The following DNAH5 variants were observed in gnomAD, a reference collection of about 807,000 sequenced individuals.
The protein encoded by DNAH5 is dynein axonemal heavy chain 5, also known as axonemal beta dynein heavy chain 5.
Under a neutral mutation model 518.2 loss-of-function variants are expected in DNAH5, and 372 were observed. That is an observed-to-expected ratio of 0.72 (90% confidence interval 0.66 to 0.78). The LOEUF (loss-of-function observed/expected upper bound fraction) is 0.78, where lower values mean the gene tolerates loss of function less well. DNAH5 is among the 30% of genes least tolerant of loss of function. The pLI, the probability that DNAH5 is intolerant of heterozygous loss-of-function variation, is 0.00. For missense variants in DNAH5, 5,523 were observed against 5,687.0 expected, an observed-to-expected ratio of 0.97 and a Z score of 0.93; for synonymous variants, 2,039 against 2,025.9, an observed-to-expected ratio of 1.01 and a Z score of -0.17.
intron 1 of DNAH5, among the ~76,000 whole-genome samples, chr5:13,972,242 C>T (rs535344837): frequency 4.6e-5 from 7 of 152,174 alleles, no homozygotes; most frequent in Non-Finnish European, 1.0e-4. Context: ...AGGCTACAAG[C>T]CTCCCTGTTG....
intron 32 of DNAH5, among the ~76,000 whole-genome samples, chr5:13,844,387 T>C (rs1433889377): frequency 6.6e-6 from 1 of 151,998 alleles, no homozygotes; most frequent in African/African-American, 2.4e-5. Flanking sequence ...AAATGACCTA[T>C]CGTGAGTCTC....
chr5:13,829,444 G>T (rs1322996467), intron 38 of DNAH5, 66 bp downstream of exon 38: 2 of 1,541,264 alleles, frequency 1.3e-6, no homozygotes, highest in Non-Finnish European at 1.8e-6. Context: ...TTCTCAAAAT[G>T]AGAACATTCT....
chr5:13,765,667 C>T (rs958289731), intron 59 of DNAH5, among the ~76,000 whole-genome samples: 4 of 152,024 alleles, frequency 2.6e-5, no homozygotes, highest in Non-Finnish European at 4.4e-5. Context: ...TAAAAAATTA[C>T]TGAGAAATGC....
intron 47 of DNAH5, 70 bp from the exon 48 acceptor site, chr5:13,794,128 A>C: frequency 1.3e-6 from 2 of 1,599,054 alleles, no homozygotes; most frequent in Non-Finnish European, 1.7e-6. Flanking sequence ...ATTTTAAAAA[A>C]CAACAAAAAC....
chr5:13,743,423 T>A lies in DNAH5; in HGVS notation c.11212-5928A>T, dbSNP rs74878272. Among the ~76,000 whole-genome samples, 1,518 of 152,094 alleles carry A rather than the reference T, an allele frequency of 1.0e-2. 32 individuals are homozygous for A. The highest frequency in any genetic ancestry group is 0.035 in the African/African-American group (1,442 of 41,506). On this transcript the variant is annotated intron_variant, in intron 65 of 78. Coordinates refer to ENST00000265104, the MANE Select transcript of DNAH5 (RefSeq NM_001369.3). ...TTCAGGACACTGGTCTGGGAAAAGATTCTATGAATAACACCACAAAAGCAC... is the reference window on the plus strand; with the variant it reads ...TTCAGGACACTGGTCTGGGAAAAGAATCTATGAATAACACCACAAAAGCAC...
chr5:13,860,756 G>A (rs1254984630), intron 29 of DNAH5, among the ~76,000 whole-genome samples: 1 of 152,122 alleles, frequency 6.6e-6, no homozygotes, highest in African/African-American at 2.4e-5. Flanking sequence ...TGTATGTGGT[G>A]TTTCTGTTAT....
chr5:13,863,032 T>C (rs777024277), intron 28 of DNAH5, among the ~76,000 whole-genome samples: 6 of 152,162 alleles, frequency 3.9e-5, no homozygotes, highest in Non-Finnish European at 5.9e-5. Flanking sequence ...AGAAAATATA[T>C]GCAAATCACT....
At chr5:13,808,911 G>C in intron 46 of DNAH5, 133 bp downstream of exon 46, 1 of 1,052,384 alleles carries the variant, frequency 9.5e-7, no homozygotes, top group Non-Finnish European at 1.4e-6. Context: ...AGTGAGCCGA[G>C]ATCGCGCCAC....
At position 13,850,636 on chromosome 5, in the gene DNAH5, G is replaced by C. The variant is rs1766701550; in HGVS notation, c.5114+16C>G. The C allele has an allele frequency of 6.2e-7, 1 of 1,612,170 alleles. No individual in the cohort carries two copies. Among genetic ancestry groups the C allele is most frequent in the South Asian group, 1.1e-5 (1 of 90,998 alleles). ...CTCAAGGATACCGAGAGCTTTCAAA[G>C]AGCCAGTGAACTTACCCAGTAAGGG... On this transcript the variant is annotated intron_variant, in intron 31 of 78. Transcript: ENST00000265104.
intron 70 of DNAH5, among the ~76,000 whole-genome samples, chr5:13,726,892 A>T (rs2126560881): frequency 6.6e-6 from 1 of 152,378 alleles, no homozygotes; most frequent in African/African-American, 2.4e-5. Context: ...TTCATCATAA[A>T]GGCAAGACAC....
At chr5:13,888,845 T>C (rs1490499309) in intron 17 of DNAH5, among the ~76,000 whole-genome samples, 1 of 152,216 alleles carries the variant, frequency 6.6e-6, no homozygotes, top group Non-Finnish European at 1.5e-5. Context: ...ACATGATACA[T>C]GCATATATTC....
chr5:13,765,927 C>T, intron 59 of DNAH5, 49 bp downstream of exon 59: 1 of 1,526,928 alleles, frequency 6.5e-7, no homozygotes, highest in Non-Finnish European at 9.1e-7. Context: ...GACTCATACA[C>T]CAGTGAAGAA....
At chr5:14,010,437 A>T (rs565807829) in intron 1 of DNAH5, among the ~76,000 whole-genome samples, 14 of 152,316 alleles carry the variant, frequency 9.2e-5, no homozygotes, top group Admixed American at 7.8e-4. Context: ...AAAGGGGAAA[A>T]CTTGGTAAAT....
rs56046501 is a variant in DNAH5, at chr5:13,814,573, T to C, written c.7230+32A>G. The C allele has an allele frequency of 0.22, 352,091 of 1,607,442 alleles. 41,242 individuals are homozygous for C. Among genetic ancestry groups the C allele is most frequent in the East Asian group, 0.5 (22,522 of 44,798 alleles). On this transcript the variant is annotated intron_variant, in intron 43 of 78. Coordinates refer to ENST00000265104, the MANE Select transcript of DNAH5 (RefSeq NM_001369.3). ...GAATGCTAAAGGATCTGTTTTCCTT[T>C]TTAATTATACAAAAGAAGGATTCAA... is the stretch of plus-strand genomic sequence containing the variant.
In DNAH5 at chr5:13,840,823, T is replaced by C; in HGVS notation, c.5709+83A>G. 3.5e-6 allele frequency: 4 copies of C among 1,137,970 alleles called. No individual in the cohort carries two copies. In the South Asian group the frequency reaches 3.9e-5, roughly 11 times the overall value. The allele number at this position is 1,137,970 out of a possible 1,614,324, so 70.5% of individuals were successfully genotyped here. A position where few individuals can be genotyped will look rare whatever the true frequency, so the allele number is the denominator to read the frequency against. ...AATTTAATTTTTTCCTTGAATTCAA[T>C]CAAACTAGTTCTACTGGGTAAATGC... On this transcript the variant is annotated intron_variant, in intron 34 of 78. Transcript: ENST00000265104.
At chr5:13,810,896 G>T (rs1760600227) in intron 44 of DNAH5, among the ~76,000 whole-genome samples, 1 of 151,990 alleles carries the variant, frequency 6.6e-6, no homozygotes. Context: ...GTACTATTCA[G>T]CCATAAAAAA....
At position 13,836,569 on chromosome 5, in the gene DNAH5, C is replaced by T. The variant is rs762513704; in HGVS notation, c.5882+2787G>A. On this transcript the variant is annotated intron_variant, in intron 35 of 78. Coordinates refer to ENST00000265104, the MANE Select transcript of DNAH5 (RefSeq NM_001369.3). ...CATGCAGCTGATTGCTCAAGAAAGA[C>T]GAGATCCAGGAAAAAACACTGGATT... Among the ~76,000 whole-genome samples, 67 of 152,248 alleles carry T rather than the reference C, an allele frequency of 4.4e-4. 1 individual carries two copies. The highest frequency in any genetic ancestry group is 1.4e-3 in the African/African-American group (58 of 41,542).
chr5:13,941,869 G>T (rs16902961), intron 1 of DNAH5, among the ~76,000 whole-genome samples: 2,748 of 152,272 alleles, frequency 0.018, 79 homozygotes, highest in African/African-American at 0.062. Flanking sequence ...TTTGCAATTA[G>T]GTAAATTTGA....
At chr5:13,749,785 AT>A (rs1479969013) in intron 65 of DNAH5, among the ~76,000 whole-genome samples, 1 of 152,156 alleles carries the variant, frequency 6.6e-6, no homozygotes, top group Non-Finnish European at 1.5e-5. Flanking sequence ...TTGCTCAAGA[AT>A]CCCAGTCCCG....
Sources: allele counts gnomAD v4.1 joint callset (sites outside exome capture counted in the v4.1 genomes callset), GRCh38; gene constraint gnomAD v4.1.1; transcripts MANE v1.5; gene names NCBI Gene and HGNC (gene_info 2026-07-23, HGNC 2026-07-21).